FBLN7: variants seen among roughly 807,000 people sequenced by gnomAD.
FBLN7 encodes the protein fibulin-7.
A neutral mutation model predicts 44.0 loss-of-function variants in FBLN7; 31 were observed. The observed-to-expected ratio is 0.70, with a 90% CI of 0.53 to 0.95. The LOEUF is 0.95. Ranked by LOEUF, FBLN7 falls within the 40% of genes least tolerant of loss-of-function variation. The pLI is 0.00. For synonymous variants in FBLN7, 262 were observed against 253.4 expected (o/e 1.03, Z -0.32); for missense variants, 573 against 618.5 (o/e 0.93, Z 0.78).
In FBLN7 at chr2:112,141,932, G is replaced by A. The variant is rs6707397; in HGVS notation, c.75+3202G>A. 5.5e-3 allele frequency among the ~76,000 whole-genome samples: 829 copies of A among 152,092 alleles called. 4 individuals are homozygous for A. Among genetic ancestry groups the A allele is most frequent in the Non-Finnish European group, 8.7e-3 (594 of 67,992 alleles). The stretch of plus-strand genomic sequence containing the variant: ...AACTTCTGGGTCCAATCCCTGTCCC[G>A]CCACATCCAGTCTTTCTCAAGTTTC... On this transcript the variant is annotated intron_variant, in intron 1 of 7. Coordinates refer to ENST00000331203, the MANE Select transcript of FBLN7 (RefSeq NM_153214.3).
At chr2:112,182,641 C>A in intron 5 of FBLN7, 150 bp from the exon 6 acceptor site, 1 of 881,562 alleles carries the variant, frequency 1.1e-6, no homozygotes, top group Non-Finnish European at 1.7e-6. Flanking sequence ...GAGTGCTCTG[C>A]TGGGGGTAGG....
At chr2:112,141,821 C>T (rs1039164958) in intron 1 of FBLN7, among the ~76,000 whole-genome samples, 2 of 152,176 alleles carry the variant, frequency 1.3e-5, no homozygotes, top group Non-Finnish European at 2.9e-5. Context: ...CTGAGGTTAC[C>T]TAGAAACCAG....
chr2:112,168,763 G>T (rs1022511534), intron 3 of FBLN7, among the ~76,000 whole-genome samples: 5 of 152,196 alleles, frequency 3.3e-5, no homozygotes, highest in Admixed American at 2.0e-4. Context: ...CAGTCGTGTG[G>T]TTGCCATGTG....
the FBLN7 span, among the ~76,000 whole-genome samples, chr2:112,217,830 T>C: frequency 3.3e-5 from 5 of 152,228 alleles, no homozygotes; most frequent in African/African-American, 1.2e-4. Context: ...TCTGAAAAAG[T>C]TCCTGTCAAA....
intron 1 of FBLN7, among the ~76,000 whole-genome samples, chr2:112,157,718 G>T (rs4411701): frequency 6.6e-6 from 1 of 152,004 alleles, no homozygotes; most frequent in African/African-American, 2.4e-5. Context: ...CAACCTCCCA[G>T]GCTCAAGTGA....
intron 2 of FBLN7, among the ~76,000 whole-genome samples, chr2:112,160,069 C>T (rs1206615182): frequency 2.0e-5 from 3 of 152,210 alleles, no homozygotes; most frequent in Non-Finnish European, 4.4e-5. Context: ...CGGCTCACTG[C>T]AAGCTCCGCC....
chr2:112,174,865 A>G (rs1004286025), intron 3 of FBLN7, among the ~76,000 whole-genome samples: 2 of 152,166 alleles, frequency 1.3e-5, no homozygotes, highest in East Asian at 3.8e-4. Context: ...ACATACCACC[A>G]TGCCCAGCTA....
chr2:112,235,261 C>T, the FBLN7 span, among the ~76,000 whole-genome samples: 3 of 152,236 alleles, frequency 2.0e-5, no homozygotes, highest in Middle Eastern at 0.01. Context: ...AAATTTATGT[C>T]TTATAAATAT....
intron 3 of FBLN7, among the ~76,000 whole-genome samples, chr2:112,169,918 G>C (rs2104582286): frequency 6.6e-6 from 1 of 152,250 alleles, no homozygotes; most frequent in East Asian, 1.9e-4. Flanking sequence ...CAGGTAGTTG[G>C]GCAGCACAGG....
chr2:112,155,844 C>G (rs1456374624), intron 1 of FBLN7, among the ~76,000 whole-genome samples: 2 of 152,220 alleles, frequency 1.3e-5, no homozygotes, highest in Non-Finnish European at 2.9e-5. Flanking sequence ...TCCCTCCACA[C>G]ACACTCCCCT....
chr2:112,236,479 T>C, the FBLN7 span: 7 of 1,552,238 alleles, frequency 4.5e-6, no homozygotes, highest in Admixed American at 1.0e-4. Context: ...CCATATCACA[T>C]AGCACTTCTT....
At chr2:112,194,638 G>A in the FBLN7 span, among the ~76,000 whole-genome samples, 230 of 152,328 alleles carry the variant, frequency 1.5e-3, 2 homozygotes, top group African/African-American at 5.2e-3. Flanking sequence ...AGGCCAGTGA[G>A]TACTTACTAA....
chr2:112,168,968 C>T (rs899327239), intron 3 of FBLN7, among the ~76,000 whole-genome samples: 6 of 152,092 alleles, frequency 3.9e-5, no homozygotes, highest in South Asian at 2.1e-4. Context: ...TACACAATTA[C>T]GCCATTAAAA....
chr2:112,191,263 C>A (rs185058192), downstream of FBLN7, among the ~76,000 whole-genome samples: 134 of 152,246 alleles, frequency 8.8e-4, 1 homozygote, highest in African/African-American at 3.2e-3. Context: ...GCAACCTCCA[C>A]CTCCTGGGTT....
chr2:112,239,450 A>G, the FBLN7 span, among the ~76,000 whole-genome samples: 1 of 152,230 alleles, frequency 6.6e-6, no homozygotes, highest in South Asian at 2.1e-4. Flanking sequence ...TTCAAAGCAT[A>G]CTTTGGGGCC....
the FBLN7 span, chr2:112,214,793 C>A: frequency 6.6e-6 from 1 of 152,238 alleles, no homozygotes; most frequent in South Asian, 2.1e-4. Flanking sequence ...GTAGGAGAGA[C>A]CCACAGGCTA....
At chr2:112,156,364 A>G (rs2104555601) in intron 1 of FBLN7, among the ~76,000 whole-genome samples, 1 of 152,234 alleles carries the variant, frequency 6.6e-6, no homozygotes, top group East Asian at 1.9e-4. Context: ...CAGCCTCCAT[A>G]TCTTTCTCTA....
At chr2:112,175,102 C>T (rs879741407) in intron 3 of FBLN7, among the ~76,000 whole-genome samples, 6 of 151,326 alleles carry the variant, frequency 4.0e-5, no homozygotes, top group Admixed American at 6.6e-5. Flanking sequence ...GAGCAAGGAA[C>T]GTCTCCCTTT....
the FBLN7 span, among the ~76,000 whole-genome samples, chr2:112,244,516 G>A: frequency 6.6e-6 from 1 of 152,084 alleles, no homozygotes; most frequent in East Asian, 1.9e-4. Flanking sequence ...AAAGTTATAG[G>A]CATACCTTAT....
Sources: gnomAD v4.1 joint callset for allele counts (sites outside exome capture counted in the v4.1 genomes callset) on GRCh38, gnomAD v4.1.1 for gene constraint, MANE v1.5 for transcripts, NCBI Gene and HGNC (gene_info 2026-07-23, HGNC 2026-07-21) for gene names.